The following CALN1 variants were observed in gnomAD, a reference collection of about 807,000 sequenced individuals.
CALN1 encodes the protein calcium-binding protein 8.
A neutral mutation model predicts 30.6 loss-of-function variants in CALN1; 17 were observed. That is an observed-to-expected ratio of 0.56 (90% CI 0.38 to 0.83). The LOEUF is 0.83. Ranked by LOEUF, CALN1 falls within the 40% of genes least tolerant of loss-of-function variation. The pLI, the probability that CALN1 is intolerant of heterozygous loss-of-function variation, is 0.00. For missense variants in CALN1, 291 were observed against 354.9 expected, an observed-to-expected ratio of 0.82 and a Z score of 1.45; for synonymous variants, 156 against 131.4, an observed-to-expected ratio of 1.19 and a Z score of -1.28.
In CALN1 at chr7:72,315,473, G is replaced by A. The variant is rs953748838; in HGVS notation, c.120-36663C>T. ...TGTCAAATTTTGAAAAACAGAGGCC[G>A]AGGCGGGAAGATCACTTGAACCCGG... On this transcript the variant is annotated intron_variant, in intron 2 of 6. Transcript: ENST00000395275. Among the ~76,000 whole-genome samples the A allele has an allele frequency of 3.9e-5, 6 of 152,032 alleles. No homozygotes were observed. In the East Asian group the frequency reaches 5.8e-4, roughly 15 times the overall value.
At chr7:72,459,625 CA>C in the CALN1 span, among the ~76,000 whole-genome samples, 267 of 44,494 alleles carry the variant, frequency 6.0e-3, 1 homozygote, top group African/African-American at 0.011. Flanking sequence ...AACCCTGTCT[CA>C]AAAAAAAAAA....
At chr7:72,101,731 C>T (rs1806681858) in intron 4 of CALN1, among the ~76,000 whole-genome samples, 1 of 152,188 alleles carries the variant, frequency 6.6e-6, no homozygotes, top group South Asian at 2.1e-4. Context: ...AAGCAAACAT[C>T]TCCTTATCAT....
chr7:72,204,249 C>G (rs1385149523), intron 3 of CALN1, among the ~76,000 whole-genome samples: 1 of 151,680 alleles, frequency 6.6e-6, no homozygotes, highest in East Asian at 1.9e-4. Flanking sequence ...CCCGCCTCAG[C>G]CTCCCAAAGT....
intron 4 of CALN1, among the ~76,000 whole-genome samples, chr7:72,054,462 T>TATACAC (rs1803080240): frequency 1.5e-5 from 2 of 132,054 alleles, no homozygotes; most frequent in Admixed American, 8.5e-5. Flanking sequence ...TATATACATA[T>TATACAC]ATATACATAT....
At chr7:71,843,626 AAAAC>A (rs1007794177) in intron 5 of CALN1, among the ~76,000 whole-genome samples, 83 of 152,260 alleles carry the variant, frequency 5.5e-4, no homozygotes, top group African/African-American at 1.7e-3. Flanking sequence ...CTGTCTCTAA[AAAAC>A]AAACAAACAA....
chr7:72,292,390 C>T (rs1267514527), intron 2 of CALN1, among the ~76,000 whole-genome samples: 1 of 150,816 alleles, frequency 6.6e-6, no homozygotes, highest in Non-Finnish European at 1.5e-5. Context: ...GTGAGGATTC[C>T]ACCTCATTAG....
intron 6 of CALN1, among the ~76,000 whole-genome samples, chr7:71,790,924 TAC>T (rs1793346174): frequency 6.6e-6 from 1 of 152,080 alleles, no homozygotes; most frequent in Admixed American, 6.6e-5. Flanking sequence ...GATGGCTCTT[TAC>T]ATTCAGCTGT....
At chr7:72,074,320 C>T (rs1057397338) in intron 4 of CALN1, among the ~76,000 whole-genome samples, 2 of 152,196 alleles carry the variant, frequency 1.3e-5, no homozygotes, top group African/African-American at 4.8e-5. Context: ...AGAGGAAACA[C>T]AGTGCCCTAG....
chr7:72,277,900 A>C (rs980860615), intron 3 of CALN1, among the ~76,000 whole-genome samples: 5 of 152,058 alleles, frequency 3.3e-5, no homozygotes, highest in East Asian at 1.9e-4. Context: ...ATATTATTAC[A>C]AACAACAAAG....
chr7:71,936,491 G>C (rs1251236817), intron 5 of CALN1, among the ~76,000 whole-genome samples: 1 of 152,002 alleles, frequency 6.6e-6, no homozygotes, highest in African/African-American at 2.4e-5. Flanking sequence ...GATGATACTG[G>C]AACCATCTTC....
chr7:71,905,386 T>TG (rs1442436335), intron 5 of CALN1, among the ~76,000 whole-genome samples: 1 of 151,816 alleles, frequency 6.6e-6, no homozygotes, highest in Non-Finnish European at 1.5e-5. Flanking sequence ...TGTGTAGTTT[T>TG]TTTTTTTTTT....
At chr7:72,386,089 T>A (rs1232318276) in intron 2 of CALN1, among the ~76,000 whole-genome samples, 2 of 152,226 alleles carry the variant, frequency 1.3e-5, no homozygotes, top group Middle Eastern at 6.8e-3. Flanking sequence ...CTATGAGGGA[T>A]AAAGGGAAAG....
chr7:72,398,621 C>T (rs571132105), intron 2 of CALN1, among the ~76,000 whole-genome samples: 33 of 152,296 alleles, frequency 2.2e-4, no homozygotes, highest in Admixed American at 1.5e-3. Context: ...TTCTAGGTGG[C>T]ATCATGGATG....
the CALN1 span, among the ~76,000 whole-genome samples, chr7:72,487,943 AAGGAAGGAAGGAAAGGAAGG>A: frequency 1.4e-5 from 1 of 70,024 alleles, no homozygotes; most frequent in African/African-American, 6.1e-5. Flanking sequence ...GGAAGGAAGG[AAGGAAGGAAGGAAAGGAAGG>A]AAGGAAGGAA....
At chr7:72,291,001 G>A (rs1418258929) in intron 2 of CALN1, among the ~76,000 whole-genome samples, 1 of 150,308 alleles carries the variant, frequency 6.7e-6, no homozygotes, top group East Asian at 2.0e-4. Flanking sequence ...TGGGCTCACT[G>A]CAACCTCTGC....
chr7:72,322,623 CATAGAG>C (rs943005380), intron 2 of CALN1, among the ~76,000 whole-genome samples: 2 of 151,788 alleles, frequency 1.3e-5, no homozygotes, highest in Admixed American at 6.6e-5. Context: ...CAATTGAACT[CATAGAG>C]ATAGAGAGTA....
rs540226363 is a variant in CALN1 at position 72,225,906 on chromosome 7, G to C, written c.244+52780C>G. 9.9e-5 allele frequency among the ~76,000 whole-genome samples: 15 copies of C among 152,122 alleles called. No individual in the cohort carries two copies. The South Asian group carries it at 3.1e-3, about 32-fold the overall frequency. On this transcript the variant is annotated intron_variant, in intron 3 of 6. Coordinates refer to ENST00000395275, the MANE Select transcript of CALN1 (RefSeq NM_031468.4). ...AGGTCAAGAGATCAAAACCATCCTG[G>C]CCAACATGGTGAAACTCCGTCTCTA...
At chr7:72,081,427 G>C (rs940078302) in intron 4 of CALN1, among the ~76,000 whole-genome samples, 1 of 151,872 alleles carries the variant, frequency 6.6e-6, no homozygotes, top group Non-Finnish European at 1.5e-5. Flanking sequence ...GTGTGTGTTT[G>C]TTTTTGGTGT....
At chr7:72,051,124 T>C (rs1006770487) in intron 4 of CALN1, among the ~76,000 whole-genome samples, 2 of 151,804 alleles carry the variant, frequency 1.3e-5, no homozygotes, top group Non-Finnish European at 2.9e-5. Context: ...GGTAATGATA[T>C]AATTAGGGTG....
Sources: gnomAD v4.1 joint callset for allele counts (sites outside exome capture counted in the v4.1 genomes callset) on GRCh38, gnomAD v4.1.1 for gene constraint, MANE v1.5 for transcripts, NCBI Gene and HGNC (gene_info 2026-07-23, HGNC 2026-07-21) for gene names.